Variants in KIF13B observed in about 807,000 individuals in gnomAD.
KIF13B encodes the protein kinesin family member 13B, also known as kinesin-like protein KIF13B.
KIF13B carries 127 observed loss-of-function variants against 222.0 expected under a neutral mutation model. That is an observed-to-expected ratio of 0.57 (90% confidence interval 0.50 to 0.66). KIF13B has a LOEUF of 0.66. Ranked by LOEUF, KIF13B falls within the 30% of genes least tolerant of loss-of-function variation. KIF13B has a pLI of 0.00. For synonymous variants in KIF13B, 976 were observed against 919.0 expected, an observed-to-expected ratio of 1.06 and a Z score of -1.12; for missense variants, 2,173 against 2,379.0, an observed-to-expected ratio of 0.91 and a Z score of 1.80.
At chr8:29,210,012 C>G (rs1814144003) in intron 2 of KIF13B, among the ~76,000 whole-genome samples, 1 of 151,386 alleles carries the variant, frequency 6.6e-6, no homozygotes, top group African/African-American at 2.4e-5. Context: ...GCCATGATTG[C>G]ATCACTGCAC....
chr8:29,225,386 G>T (rs1814975273), intron 2 of KIF13B, among the ~76,000 whole-genome samples: 1 of 152,224 alleles, frequency 6.6e-6, no homozygotes, highest in Non-Finnish European at 1.5e-5. Context: ...AACTAGGTCT[G>T]TCTGGCTCCT....
intron 10 of KIF13B, among the ~76,000 whole-genome samples, chr8:29,168,088 A>G (rs1369857568): frequency 6.6e-6 from 1 of 152,214 alleles, no homozygotes; most frequent in East Asian, 1.9e-4. Flanking sequence ...AAGTTTTTAA[A>G]ACATAAGGTA....
intron 2 of KIF13B, among the ~76,000 whole-genome samples, chr8:29,215,010 A>G (rs1814409131): frequency 6.6e-6 from 1 of 152,192 alleles, no homozygotes; most frequent in South Asian, 2.1e-4. Context: ...AGACAAAATC[A>G]AAACTGTTCA....
chr8:29,096,293 CTTT>C (rs61008499), intron 36 of KIF13B, among the ~76,000 whole-genome samples: 6 of 76,698 alleles, frequency 7.8e-5, no homozygotes, highest in Admixed American at 1.6e-4. Flanking sequence ...CCAAGCTTTT[CTTT>C]TTTTTTTTTT....
At chr8:29,251,599 AG>A (rs1200570154) in intron 1 of KIF13B, among the ~76,000 whole-genome samples, 4 of 151,726 alleles carry the variant, frequency 2.6e-5, no homozygotes, top group African/African-American at 9.7e-5. Flanking sequence ...GGGGGTTATG[AG>A]GGGTTGGGGG....
At chr8:29,181,139 AG>A (rs984010008) in intron 7 of KIF13B, among the ~76,000 whole-genome samples, 1 of 152,190 alleles carries the variant, frequency 6.6e-6, no homozygotes, top group Non-Finnish European at 1.5e-5. Context: ...ATTCTCCTTA[AG>A]GGTGTAGGCA....
At chr8:29,223,696 A>T (rs571567243) in intron 2 of KIF13B, among the ~76,000 whole-genome samples, 1 of 152,218 alleles carries the variant, frequency 6.6e-6, no homozygotes, top group African/African-American at 2.4e-5. Flanking sequence ...TTGAAAATAA[A>T]TAAGAATGAA....
intron 3 of KIF13B, among the ~76,000 whole-genome samples, chr8:29,192,915 A>T (rs1383724141): frequency 6.6e-6 from 1 of 150,600 alleles, no homozygotes; most frequent in Non-Finnish European, 1.5e-5. Context: ...AATGAAACTG[A>T]TGGGGGTAAG....
Position 29,245,346 on chromosome 8 carries a change from C to T in KIF13B, c.149G>A (p.Arg50Gln), listed in dbSNP as rs768039819. Reference sequence around the variant, plus strand: ...AGCACAGCACTGTTTCTTAACTCACCGGGCATCTCCTTTGGAAAGATTCGT... The same window carrying T: ...AGCACAGCACTGTTTCTTAACTCACTGGGCATCTCCTTTGGAAAGATTCGT... ...VNTNLSKGDARGQPKVFAYDH... is the reference protein window; with the variant it reads ...VNTNLSKGDAQGQPKVFAYDH... The change falls in exon 2 of 40, where the codon CGG becomes CAG. Residue 50 changes from arginine (R) to glutamine (Q), a missense_variant and splice_region_variant. By Grantham distance (43) the Arg-to-Gln change is conservative (BLOSUM62 1). Transcript: ENST00000524189. The T allele has an allele frequency of 2.5e-6, 4 of 1,583,074 alleles. No homozygotes were observed. Among genetic ancestry groups the T allele is most frequent in the Non-Finnish European group, 3.4e-6 (4 of 1,160,374 alleles).
intron 11 of KIF13B, among the ~76,000 whole-genome samples, chr8:29,166,057 G>A (rs2291456): frequency 2.0e-5 from 3 of 151,942 alleles, no homozygotes; most frequent in Non-Finnish European, 4.4e-5. Flanking sequence ...AGCTTCTAAG[G>A]GTTTATCTTT....
In KIF13B at chr8:29,116,936, G is replaced by T; in HGVS notation, c.3732C>A (p.Asp1244Glu). The T allele has an allele frequency of 6.2e-7, 1 of 1,612,992 alleles. No individual in the cohort carries two copies. Among genetic ancestry groups the T allele is most frequent in the South Asian group, 1.1e-5 (1 of 90,948 alleles). Residue 1244 changes from aspartate to glutamate, a missense_variant, in exon 31 of 40, where the codon GAC becomes GAA. Transcript: ENST00000524189. ...CPQLSRGTPV[D>E]ERLFLIVRVT... ...CGCGCACGATCAGGAACAACCGCTC[G>T]TCCACGGGCGTGCCCCTGCTGAGCT...
intron 37 of KIF13B, among the ~76,000 whole-genome samples, chr8:29,081,086 C>T (rs774365967): frequency 1.3e-5 from 2 of 152,200 alleles, no homozygotes; most frequent in Non-Finnish European, 2.9e-5. Flanking sequence ...TGTATTTCTG[C>T]GGCTCGATCC....
chr8:29,195,703 G>T (rs1411081660), intron 3 of KIF13B, among the ~76,000 whole-genome samples: 1 of 152,216 alleles, frequency 6.6e-6, no homozygotes, highest in Non-Finnish European at 1.5e-5. Context: ...GGCTGTGGCT[G>T]TGCAGGCTTC....
At chr8:29,241,203 T>G (rs1343890813) in intron 2 of KIF13B, among the ~76,000 whole-genome samples, 1 of 152,170 alleles carries the variant, frequency 6.6e-6, no homozygotes, top group African/African-American at 2.4e-5. Flanking sequence ...GACCACATCA[T>G]GTATGATTTC....
chr8:29,186,361 C>T lies in KIF13B; in HGVS notation c.428G>A (p.Ser143Asn). Residue 143 changes from serine (S) to asparagine (N), a missense_variant, in exon 6 of 40, where the codon AGT becomes AAT. Ser to Asn is a conservative substitution (Grantham distance 46). Transcript: ENST00000524189. ...CATGTAGGACACTTCTACTTTAAAACTCTGTTCTTCATTTTCCTCTTTCTG... is the reference window on the plus strand; with the variant it reads ...CATGTAGGACACTTCTACTTTAAAATTCTGTTCTTCATTTTCCTCTTTCTG... ...RTQKEENEEQSFKVEVSYMEI... is the reference protein window; with the variant it reads ...RTQKEENEEQNFKVEVSYMEI... 1 of 1,613,830 alleles carries T rather than the reference C, an allele frequency of 6.2e-7. No homozygotes were observed. The highest frequency in any genetic ancestry group is 8.5e-7 in the Non-Finnish European group (1 of 1,179,758).
At chr8:29,105,331 T>A (rs1809004541) in intron 35 of KIF13B, among the ~76,000 whole-genome samples, 1 of 152,092 alleles carries the variant, frequency 6.6e-6, no homozygotes, top group Non-Finnish European at 1.5e-5. Flanking sequence ...ACCTGGTTCA[T>A]CCCCAAGCCT....
In KIF13B at chr8:29,109,422, CCACA is replaced by C. The variant is rs768172370; in HGVS notation, c.4161+8_4161+11del. On this transcript the variant is annotated splice_region_variant and intron_variant, in intron 34 of 39. Transcript: ENST00000524189. ...CCCAGGCACAGCACAGAGCTTGGTT[CCACA>C]CACTCACTCTGTTCACATTTGGAGA... The C allele has an allele frequency of 5.6e-6, 9 of 1,605,862 alleles. No homozygotes were observed. The Middle Eastern group carries it at 6.6e-4, about 118-fold the overall frequency.
chr8:29,171,897 A>G (rs1236715472), intron 10 of KIF13B, among the ~76,000 whole-genome samples: 4 of 149,780 alleles, frequency 2.7e-5, no homozygotes, highest in Non-Finnish European at 4.4e-5. Flanking sequence ...AACTGGGATT[A>G]CAGGTGCACA....
In KIF13B at chr8:29,164,940, C is replaced by T. The variant is rs183297530; in HGVS notation, c.1269+722G>A. 7.3e-4 allele frequency among the ~76,000 whole-genome samples: 111 copies of T among 152,096 alleles called. 1 individual carries two copies. Among genetic ancestry groups the T allele is most frequent in the Admixed American group, 2.6e-3 (39 of 15,280 alleles). ...TCAGTTCACTCCAATCTCCACCTCC[C>T]GGGTTCAAGCGATTCTTGTGCCTCA... On this transcript the variant is annotated intron_variant, in intron 12 of 39. Transcript: ENST00000524189.
Sources: allele counts gnomAD v4.1 joint callset (sites outside exome capture counted in the v4.1 genomes callset), GRCh38; gene constraint gnomAD v4.1.1; transcripts MANE v1.5; gene names NCBI Gene and HGNC (gene_info 2026-07-23, HGNC 2026-07-21).